Variants in VAV1 observed in about 807,000 individuals in gnomAD.
VAV1 encodes the protein vav guanine nucleotide exchange factor 1.
In VAV1, 33 loss-of-function variants were observed where a neutral mutation model predicts 128.1. The observed-to-expected ratio is 0.26, with a 90% CI of 0.20 to 0.34. The LOEUF (loss-of-function observed/expected upper bound fraction) is 0.34, where lower values mean the gene tolerates loss of function less well. Ranked by LOEUF, VAV1 falls within the 10% of genes least tolerant of loss-of-function variation. The pLI is 1.00. For synonymous variants in VAV1, 394 were observed against 409.8 expected (o/e 0.96, Z 0.47); for missense variants, 715 against 1,093.7 (o/e 0.65, Z 4.88).
chr19:6,853,376 G>T (rs535739332), intron 25 of VAV1, among the ~76,000 whole-genome samples: 30 of 151,824 alleles, frequency 2.0e-4, no homozygotes, highest in African/African-American at 7.2e-4. Flanking sequence ...GGGTTCGAGG[G>T]ATTCTCATGC....
intron 22 of VAV1, among the ~76,000 whole-genome samples, chr19:6,844,039 CTTTCTTCT>C (rs1568316068): frequency 1.9e-5 from 2 of 104,468 alleles, no homozygotes; most frequent in African/African-American, 8.7e-5. Flanking sequence ...TGCCCCCATA[CTTTCTTCT>C]TTTCTTCTTC....
At chr19:6,809,452 C>T (rs1971469110) in intron 1 of VAV1, among the ~76,000 whole-genome samples, 1 of 152,080 alleles carries the variant, frequency 6.6e-6, no homozygotes. Context: ...CAGAGGCAAC[C>T]TTATATATGA....
At position 6,826,708 on chromosome 19, in the gene VAV1, G is replaced by T; in HGVS notation, c.924G>T (p.Leu308=). The change falls in exon 9 of 27, where the codon CTG becomes CTT. Residue 308 remains leucine, a synonymous_variant. Coordinates refer to ENST00000602142, the MANE Select transcript of VAV1 (RefSeq NM_005428.4). This position sits in a 1 kb window ranked among gnomAD's most constrained non-coding sequence, Gnocchi z 4.1. ...CCCGGGAGGACGTGCAGATGAAGCT[G>T]GAGGTGGGCGCCGGGCCACTTCTCG... ...AAAREDVQMK[L]EECSQRANNG... 3 of 1,545,870 alleles carry T rather than the reference G, an allele frequency of 1.9e-6. No individual in the cohort carries two copies. Among genetic ancestry groups the T allele is most frequent in the Non-Finnish European group, 1.7e-6 (2 of 1,149,712 alleles).
At chr19:6,773,362 G>A (rs147265428) in intron 1 of VAV1, among the ~76,000 whole-genome samples, 2 of 152,138 alleles carry the variant, frequency 1.3e-5, no homozygotes, top group Non-Finnish European at 2.9e-5. Flanking sequence ...GAACCCCCAG[G>A]GTGGCCATTG....
At chr19:6,831,603 C>T (rs550726453) in intron 14 of VAV1, among the ~76,000 whole-genome samples, 6 of 152,336 alleles carry the variant, frequency 3.9e-5, no homozygotes, top group Non-Finnish European at 8.8e-5. Flanking sequence ...TAAGCCACCG[C>T]GCCCGGCTGG....
intron 1 of VAV1, among the ~76,000 whole-genome samples, chr19:6,795,006 T>C (rs751438783): frequency 5.3e-5 from 8 of 152,140 alleles, no homozygotes; most frequent in Non-Finnish European, 2.9e-5. Context: ...CCAAGTGGCT[T>C]GGGCTTCCCC....
rs757317714 is a variant in VAV1 at position 6,828,375 on chromosome 19, A to G, written c.1024-44A>G. On this transcript the variant is annotated intron_variant, in intron 10 of 26. Transcript: ENST00000602142. This position sits in a 1 kb window ranked among gnomAD's most constrained non-coding sequence, Gnocchi z 4.5. ...TTTGGAAGGCCCTCCCCGCAGGGAG[A>G]AGGGGAGGGGCCCAGGTGACGTCTG... The G allele has an allele frequency of 1.2e-6, 2 of 1,605,594 alleles. No homozygotes were observed. Among genetic ancestry groups the G allele is most frequent in the Non-Finnish European group, 1.7e-6 (2 of 1,172,802 alleles).
intron 1 of VAV1, among the ~76,000 whole-genome samples, chr19:6,814,629 T>TC (rs1971581194): frequency 7.3e-5 from 11 of 150,856 alleles, no homozygotes; most frequent in African/African-American, 2.5e-4. Flanking sequence ...TTTCTTTCTT[T>TC]TCTTTCTCTC....
intron 13 of VAV1, among the ~76,000 whole-genome samples, chr19:6,829,267 G>A (rs1301584776): frequency 6.6e-6 from 1 of 151,082 alleles, no homozygotes; most frequent in African/African-American, 2.4e-5. Flanking sequence ...AACCATATCT[G>A]TGGTGGAGCC....
intron 19 of VAV1, among the ~76,000 whole-genome samples, chr19:6,835,214 T>C (rs868198457): frequency 6.9e-6 from 1 of 145,356 alleles, no homozygotes; most frequent in Non-Finnish European, 1.5e-5. Flanking sequence ...TATATATACA[T>C]ACACACACAC....
At position 6,848,084 on chromosome 19, in the gene VAV1, A is replaced by G; in HGVS notation, c.2099A>G (p.Lys700Arg). Reference sequence around the variant, plus strand: ...ACTTTCTTGGTGCGGCAGAGGGTGAAGGATGCAGCAGAATTTGCCATCAGC... The same window carrying G: ...ACTTTCTTGGTGCGGCAGAGGGTGAGGGATGCAGCAGAATTTGCCATCAGC... The part of the protein sequence containing the change: ...DGTFLVRQRV[K>R]DAAEFAISIK... The change falls in exon 23 of 27, where the codon AAG becomes AGG. Residue 700 changes from lysine to arginine, a missense_variant. By Grantham distance (26) the Lys-to-Arg change is conservative. This residue lies in a region of VAV1 where 407 missense variants were observed against 580.6 expected (regional missense o/e 0.70). Transcript: ENST00000602142. 6.4e-7 allele frequency: 1 copy of G among 1,554,730 alleles called. No individual in the cohort carries two copies.
rs1439830465 is a variant in VAV1 at position 6,828,762 on chromosome 19, T to A, written c.1180-53T>A. ...GGTGTGGCCACGTGGGGAGAGTGTG[T>A]GTCTGGCTCCTTTCTTGGGAGACCC... On this transcript the variant is annotated intron_variant, in intron 12 of 26. Transcript: ENST00000602142. This position sits in a 1 kb window ranked among gnomAD's most constrained non-coding sequence, Gnocchi z 4.5. 1 of 1,613,692 alleles carries A rather than the reference T, an allele frequency of 6.2e-7. No homozygotes were observed. Among genetic ancestry groups the A allele is most frequent in the East Asian group, 2.2e-5 (1 of 44,862 alleles).
chr19:6,833,850 G>T (rs967144567), intron 18 of VAV1, 58 bp from the exon 19 acceptor site: 3 of 1,613,878 alleles, frequency 1.9e-6, no homozygotes, highest in East Asian at 2.2e-5. Flanking sequence ...GAGTAAGGGG[G>T]CCTACAAGCC....
Position 6,826,544 on chromosome 19 carries a change from C to A in VAV1, c.828-68C>A. The A allele has an allele frequency of 7.9e-7, 1 of 1,257,992 alleles. No homozygotes were observed. The highest frequency in any genetic ancestry group is 1.1e-6 in the Non-Finnish European group (1 of 885,110). 77.9% of individuals were successfully genotyped at this position (1,257,992 alleles called of 1,614,324 possible). On this transcript the variant is annotated intron_variant, in intron 8 of 26. Transcript: ENST00000602142. The surrounding 1 kb of genome is among the most constrained non-coding windows in gnomAD (Gnocchi z 4.1). Reference sequence around the variant, plus strand: ...CCAGCGGGGAAGAGCAAGGCCAGGGCTGACGCCAGCCTCTGCCCGACCTTG... The same window carrying A: ...CCAGCGGGGAAGAGCAAGGCCAGGGATGACGCCAGCCTCTGCCCGACCTTG...
At position 6,828,410 on chromosome 19, in the gene VAV1, TTC is replaced by T. The variant is rs781382160; in HGVS notation, c.1024-4_1024-3del. On this transcript the variant is annotated splice_polypyrimidine_tract_variant and splice_region_variant and intron_variant, in intron 10 of 26. Transcript: ENST00000602142. This position sits in a 1 kb window ranked among gnomAD's most constrained non-coding sequence, Gnocchi z 4.5. The stretch of plus-strand genomic sequence containing the variant: ...GCCCAGGTGACGTCTGACGTCTTGG[TTC>T]TCTCAGGAGCTGGTGAAACACACGC... The T allele has an allele frequency of 1.5e-4, 243 of 1,614,042 alleles. No individual in the cohort carries two copies. The African/African-American group carries it at 3.1e-3, about 20-fold the overall frequency.
intron 1 of VAV1, among the ~76,000 whole-genome samples, chr19:6,783,417 G>A (rs574864734): frequency 3.3e-5 from 5 of 150,252 alleles, no homozygotes; most frequent in African/African-American, 9.9e-5. Context: ...GGGAAAGAGC[G>A]CTATGAAAGA....
intron 1 of VAV1, among the ~76,000 whole-genome samples, chr19:6,785,209 T>C (rs1209886839): frequency 6.6e-6 from 1 of 152,172 alleles, no homozygotes; most frequent in Non-Finnish European, 1.5e-5. Flanking sequence ...TCTTGCTCTA[T>C]TGCCCAGGCT....
rs1302804604 is a variant in VAV1, at chr19:6,772,993, G to A, written c.186G>A (p.Leu62=). 3.1e-6 allele frequency: 5 copies of A among 1,613,912 alleles called. No individual in the cohort carries two copies. The highest frequency in any genetic ancestry group is 2.2e-5 in the East Asian group (1 of 44,894). ...PHAINLREVN[L]RPQMSQFLCL... is the part of the protein sequence containing the mutation. ...CCATCAACCTGCGTGAGGTCAACCT[G>A]CGCCCCCAGATGTCCCAGGTGAGCC... is the stretch of plus-strand genomic sequence containing the variant. The change falls in exon 1 of 27, where the codon CTG becomes CTA. Residue 62 remains leucine (L), a synonymous_variant. Transcript: ENST00000602142. This position sits in a 1 kb window ranked among gnomAD's most constrained non-coding sequence, Gnocchi z 4.8.
At chr19:6,809,827 G>A (rs1971477280) in intron 1 of VAV1, among the ~76,000 whole-genome samples, 1 of 151,978 alleles carries the variant, frequency 6.6e-6, no homozygotes, top group Admixed American at 6.6e-5. Context: ...TAGTTTGGAT[G>A]TAGAATCTGA....
Sources: gnomAD v4.1 joint callset for allele counts (sites outside exome capture counted in the v4.1 genomes callset) on GRCh38, gnomAD v4.1.1 for gene constraint, gnomAD v4.1.1 regional missense constraint, Gnocchi (gnomAD v3.1) non-coding constraint, MANE v1.5 for transcripts, NCBI Gene and HGNC (gene_info 2026-07-23, HGNC 2026-07-21) for gene names.